CTNNA3: variants seen among roughly 807,000 people sequenced by gnomAD.
The protein encoded by CTNNA3 is catenin alpha-3.
CTNNA3 carries 76 observed loss-of-function variants against 95.7 expected under a neutral mutation model. The observed-to-expected ratio is 0.79, with a 90% CI of 0.66 to 0.96. The LOEUF (loss-of-function observed/expected upper bound fraction) is 0.96, where lower values mean the gene tolerates loss of function less well. Ranked by LOEUF, CTNNA3 falls within the 40% of genes least tolerant of loss-of-function variation. The pLI is 0.00. For synonymous variants in CTNNA3, 431 were observed against 374.4 expected, an observed-to-expected ratio of 1.15 and a Z score of -1.74; for missense variants, 1,191 against 1,089.8, an observed-to-expected ratio of 1.09 and a Z score of -1.31.
At chr10:67,264,170 T>C (rs868705107) in intron 5 of CTNNA3, among the ~76,000 whole-genome samples, 3 of 152,202 alleles carry the variant, frequency 2.0e-5, no homozygotes, top group Admixed American at 6.5e-5. Flanking sequence ...TCATTTAGTA[T>C]ACTTGATCCA....
In CTNNA3 at chr10:66,365,070, C is replaced by T. The variant is rs117195260; in HGVS notation, c.1732+14082G>A. 1.2e-4 allele frequency among the ~76,000 whole-genome samples: 18 copies of T among 151,962 alleles called. No homozygotes were observed. The East Asian group carries it at 1.7e-3, about 15-fold the overall frequency. ...AATGTTTCCAGTATTAAATGTCAGG[C>T]GAGAAAACAGGGAGGGGTATAAGAT... On this transcript the variant is annotated intron_variant, in intron 12 of 17. Coordinates refer to ENST00000433211, the MANE Select transcript of CTNNA3 (RefSeq NM_013266.4).
chr10:67,361,782 C>A (rs1169779464), intron 5 of CTNNA3, among the ~76,000 whole-genome samples: 2 of 151,938 alleles, frequency 1.3e-5, no homozygotes, highest in Non-Finnish European at 2.9e-5. Context: ...CAGAGCAAAA[C>A]TGAATGGAAT....
At chr10:67,207,888 C>A (rs1055814460) in intron 6 of CTNNA3, among the ~76,000 whole-genome samples, 1 of 152,126 alleles carries the variant, frequency 6.6e-6, no homozygotes, top group African/African-American at 2.4e-5. Context: ...CAGAGTATGT[C>A]TAAATTTGGG....
At chr10:66,539,637 C>G (rs527887325) in intron 10 of CTNNA3, among the ~76,000 whole-genome samples, 1 of 152,162 alleles carries the variant, frequency 6.6e-6, no homozygotes, top group East Asian at 1.9e-4. Context: ...TTTTACCTTC[C>G]CATGGGGATC....
chr10:66,091,426 C>T (rs1478625968), intron 14 of CTNNA3, among the ~76,000 whole-genome samples: 3 of 151,870 alleles, frequency 2.0e-5, no homozygotes, highest in Non-Finnish European at 4.4e-5. Context: ...GGTCTCTTTT[C>T]CCAAAGCACA....
At chr10:66,356,458 G>T (rs1319448649) in intron 12 of CTNNA3, among the ~76,000 whole-genome samples, 1 of 151,332 alleles carries the variant, frequency 6.6e-6, no homozygotes, top group African/African-American at 2.4e-5. Flanking sequence ...TTGAAGTTTT[G>T]GTAACTGGTA....
At chr10:67,002,927 G>C (rs1851766494) in intron 7 of CTNNA3, among the ~76,000 whole-genome samples, 2 of 152,114 alleles carry the variant, frequency 1.3e-5, no homozygotes, top group African/African-American at 4.8e-5. Flanking sequence ...CAAGGCTCAA[G>C]TTTTCATTAC....
intron 7 of CTNNA3, among the ~76,000 whole-genome samples, chr10:66,955,813 C>A (rs1848759670): frequency 6.6e-6 from 1 of 152,118 alleles, no homozygotes. Context: ...AGTATTTCTG[C>A]CTTCACAGAT....
chr10:67,506,345 C>A (rs1383121680), intron 5 of CTNNA3, among the ~76,000 whole-genome samples: 1 of 152,126 alleles, frequency 6.6e-6, no homozygotes, highest in Non-Finnish European at 1.5e-5. Flanking sequence ...ACATTTGGAG[C>A]ATGAGATAGG....
At chr10:66,111,817 T>C (rs1424220884) in intron 13 of CTNNA3, among the ~76,000 whole-genome samples, 1 of 152,210 alleles carries the variant, frequency 6.6e-6, no homozygotes, top group Non-Finnish European at 1.5e-5. Flanking sequence ...GGGATATTAA[T>C]GGAACTTGAA....
At chr10:65,971,449 A>G (rs2078100559) in intron 16 of CTNNA3, among the ~76,000 whole-genome samples, 1 of 151,398 alleles carries the variant, frequency 6.6e-6, no homozygotes, top group Non-Finnish European at 1.5e-5. Context: ...AAAAAAAGAG[A>G]GAGGATTCAA....
At chr10:66,081,288 T>C (rs2080750233) in intron 14 of CTNNA3, among the ~76,000 whole-genome samples, 1 of 151,944 alleles carries the variant, frequency 6.6e-6, no homozygotes, top group Admixed American at 6.6e-5. Context: ...AAAAAGTAAG[T>C]AATTGCTCAA....
intron 13 of CTNNA3, among the ~76,000 whole-genome samples, chr10:66,229,429 G>A (rs1429029225): frequency 1.3e-5 from 2 of 151,862 alleles, no homozygotes; most frequent in South Asian, 2.1e-4. Context: ...AATTTTCTTA[G>A]TTTTTGCTTG....
At chr10:66,912,463 CT>C (rs1448475818) in intron 7 of CTNNA3, among the ~76,000 whole-genome samples, 1 of 151,782 alleles carries the variant, frequency 6.6e-6, no homozygotes, top group East Asian at 1.9e-4. Context: ...ATTAAAAGTT[CT>C]TTTTTTTAGA....
chr10:67,726,432 C>CATATATAATATTATATATT (rs1491155133), intron 1 of CTNNA3, among the ~76,000 whole-genome samples: 36,592 of 51,384 alleles, frequency 0.71, 12,680 homozygotes, highest in Middle Eastern at 0.83. Flanking sequence ...TATATTATAT[C>CATATATAATATTATATATT]ATATATAATA....
intron 15 of CTNNA3, among the ~76,000 whole-genome samples, chr10:66,022,933 G>A (rs1267284421): frequency 6.6e-6 from 1 of 152,044 alleles, no homozygotes; most frequent in South Asian, 2.1e-4. Context: ...AAAATGTGAG[G>A]ACTTCCCTAA....
chr10:67,474,010 G>C (rs1847920890), intron 5 of CTNNA3, among the ~76,000 whole-genome samples: 1 of 152,124 alleles, frequency 6.6e-6, no homozygotes, highest in Admixed American at 6.6e-5. Context: ...TGACAACAGA[G>C]ATAAGATTCC....
chr10:67,107,575 C>T (rs1334624919), intron 7 of CTNNA3, among the ~76,000 whole-genome samples: 1 of 152,072 alleles, frequency 6.6e-6, no homozygotes. Context: ...TTCTTTTCAA[C>T]CTTTTTAGTC....
In CTNNA3 at chr10:67,214,837, T is replaced by G. The variant is rs535188878; in HGVS notation, c.843+4770A>C. On this transcript the variant is annotated intron_variant, in intron 6 of 17. Coordinates refer to ENST00000433211, the MANE Select transcript of CTNNA3 (RefSeq NM_013266.4). ...CAGTCATCATTCATAGGTAACTCTT[T>G]TTTTTCCTATTTTCTTTTAAAAATA... is the stretch of plus-strand genomic sequence containing the variant. Among the ~76,000 whole-genome samples, 52 of 152,086 alleles carry G rather than the reference T, an allele frequency of 3.4e-4. 1 individual carries two copies. In the South Asian group the frequency reaches 7.7e-3, roughly 22 times the overall value.
Sources: allele counts gnomAD v4.1 joint callset (sites outside exome capture counted in the v4.1 genomes callset), GRCh38; gene constraint gnomAD v4.1.1; transcripts MANE v1.5; gene names NCBI Gene and HGNC (gene_info 2026-07-23, HGNC 2026-07-21).